SLC24A5: variants seen among roughly 807,000 people sequenced by gnomAD.
SLC24A5 encodes the protein sodium/potassium/calcium exchanger 5.
SLC24A5 carries 46 observed loss-of-function variants against 51.6 expected under a neutral mutation model. That is an observed-to-expected ratio of 0.89 (90% confidence interval 0.70 to 1.14). SLC24A5 has a LOEUF of 1.14. Ranked by LOEUF, SLC24A5 falls within the 50% of genes most tolerant of loss-of-function variation. SLC24A5 has a pLI of 0.00. For synonymous variants in SLC24A5, 230 were observed against 214.9 expected (o/e 1.07, Z -0.62); for missense variants, 581 against 604.1 (o/e 0.96, Z 0.40).
intron 4 of SLC24A5, 56 bp downstream of exon 4, chr15:48,134,594 C>CAGT: frequency 2.8e-6 from 4 of 1,405,980 alleles, no homozygotes; most frequent in Non-Finnish European, 4.0e-6. Flanking sequence ...CTAAAGATAA[C>CAGT]TGTTCGTCGT....
chr15:48,129,073 A>T (rs776319529), intron 2 of SLC24A5, among the ~76,000 whole-genome samples: 2 of 152,146 alleles, frequency 1.3e-5, no homozygotes, highest in Non-Finnish European at 2.9e-5. Context: ...GGCTAAGAGC[A>T]GGTAGAAATC....
In SLC24A5 at chr15:48,139,120, T is replaced by C. The variant is rs747046622; in HGVS notation, c.1023T>C (p.Ser341=). ...KNYFVITFFM[S]AIWISAFTYI... ...ACTTTGTGATAACCTTTTTCATGTC[T>C]GCAATATGGATATCCGCATTTACAT... Residue 341 remains serine, a synonymous_variant, in exon 7 of 9, where the codon TCT becomes TCC. Transcript: ENST00000341459. The C allele has an allele frequency of 6.2e-7, 1 of 1,613,162 alleles. No homozygotes were observed. Among genetic ancestry groups the C allele is most frequent in the South Asian group, 1.1e-5 (1 of 91,042 alleles).
chr15:48,141,138 A>G lies in SLC24A5; in HGVS notation c.1104A>G (p.Thr368=). 1 of 1,613,666 alleles carries G rather than the reference A, an allele frequency of 6.2e-7. No homozygotes were observed. Among genetic ancestry groups the G allele is most frequent in the Non-Finnish European group, 8.5e-7 (1 of 1,179,672 alleles). Residue 368 remains threonine, a synonymous_variant, in exon 8 of 9, where the codon ACA becomes ACG. Transcript: ENST00000341459. ...ITGETLEIPD[T]VMGLTLLAAG... is the part of the protein sequence containing the mutation. ...GGGAAACACTAGAAATTCCCGATAC[A>G]GTAATGGGCCTTACTTTATTAGCAG...
intron 2 of SLC24A5, chr15:48,123,133 C>T (rs2038696726): frequency 6.6e-6 from 1 of 151,850 alleles, no homozygotes; most frequent in African/African-American, 2.4e-5. Flanking sequence ...AGCAGAGGCA[C>T]TCAACACCTA....
At position 48,139,057 on chromosome 15, in the gene SLC24A5, A is replaced by C; in HGVS notation, c.960A>C (p.Leu320=). Residue 320 remains leucine, a synonymous_variant, in exon 7 of 9, where the codon CTA becomes CTC. Coordinates refer to ENST00000341459, the MANE Select transcript of SLC24A5 (RefSeq NM_205850.3). ...LSLPIITLLF[L]TTPDCRKKFW... Reference sequence around the variant, plus strand: ...TTCCTATTATTACATTACTTTTTCTAACCACACCAGATTGTAGAAAAAAGT... The same window carrying C: ...TTCCTATTATTACATTACTTTTTCTCACCACACCAGATTGTAGAAAAAAGT... The C allele has an allele frequency of 6.2e-7, 1 of 1,613,002 alleles. No homozygotes were observed. Among genetic ancestry groups the C allele is most frequent in the South Asian group, 1.1e-5 (1 of 91,038 alleles).
chr15:48,139,487 C>A (rs2038989409), intron 7 of SLC24A5: 3 of 180,046 alleles, frequency 1.7e-5, no homozygotes, highest in African/African-American at 2.4e-5. Context: ...ATGGGGTCCA[C>A]AATAAACTCT....
intron 7 of SLC24A5, 26 bp downstream of exon 7, chr15:48,139,201 A>T: frequency 6.4e-7 from 1 of 1,557,362 alleles, no homozygotes; most frequent in Non-Finnish European, 8.8e-7. Flanking sequence ...ACAATAGCAC[A>T]ACTTGAAAAT....
At chr15:48,134,047 C>T (rs1358993884) in intron 2 of SLC24A5, among the ~76,000 whole-genome samples, 1 of 152,088 alleles carries the variant, frequency 6.6e-6, no homozygotes, top group Non-Finnish European at 1.5e-5. Context: ...TCCCTTTAGT[C>T]TCCTGGCCTT....
In SLC24A5 at chr15:48,142,108, T is replaced by G; in HGVS notation, c.1260T>G (p.Ile420Met). ...DMLCLGIPWF[I>M]KTAFINGSAP... Reference sequence around the variant, plus strand: ...TGTGCCTTGGTATTCCATGGTTTATTAAAACTGCATTTATAAATGGATCAG... The same window carrying G: ...TGTGCCTTGGTATTCCATGGTTTATGAAAACTGCATTTATAAATGGATCAG... Residue 420 changes from isoleucine (I) to methionine (M), a missense_variant, in exon 9 of 9, where the codon ATT (isoleucine) becomes ATG (methionine). Coordinates refer to ENST00000341459, the MANE Select transcript of SLC24A5 (RefSeq NM_205850.3). 1 of 1,613,906 alleles carries G rather than the reference T, an allele frequency of 6.2e-7. No homozygotes were observed. Among genetic ancestry groups the G allele is most frequent in the Non-Finnish European group, 8.5e-7 (1 of 1,179,880 alleles).
intron 2 of SLC24A5, among the ~76,000 whole-genome samples, chr15:48,124,910 T>C (rs961304781): frequency 6.6e-6 from 1 of 152,226 alleles, no homozygotes; most frequent in Non-Finnish European, 1.5e-5. Context: ...CAAAATGAGA[T>C]AGAAATAGTG....
chr15:48,142,420 A>T lies in SLC24A5; in HGVS notation c.*69A>T. On this transcript the variant is annotated 3_prime_UTR_variant, in exon 9 of 9. Coordinates refer to ENST00000341459, the MANE Select transcript of SLC24A5 (RefSeq NM_205850.3). ...GGCAGAGAGAAAAATCCATTTCTTC[A>T]TTTAAATCAAATTTTAAAAATCTTG... 1 of 1,162,858 alleles carries T rather than the reference A, an allele frequency of 8.6e-7. No individual in the cohort carries two copies. The highest frequency in any genetic ancestry group is 1.2e-6 in the Non-Finnish European group (1 of 852,676). 72.0% of individuals were successfully genotyped at this position (1,162,858 alleles called of 1,614,324 possible).
intron 2 of SLC24A5, chr15:48,122,969 C>A (rs1030664455): frequency 6.6e-6 from 1 of 152,164 alleles, no homozygotes; most frequent in African/African-American, 2.4e-5. Flanking sequence ...CACATTGCTG[C>A]CATTTCTTTA....
At position 48,121,082 on chromosome 15, in the gene SLC24A5, C is replaced by G. The variant is rs771723766; in HGVS notation, c.38C>G (p.Ala13Gly). 2 of 1,614,000 alleles carry G rather than the reference C, an allele frequency of 1.2e-6. No individual in the cohort carries two copies. The highest frequency in any genetic ancestry group is 2.2e-5 in the South Asian group (2 of 91,062). Residue 13 changes from alanine (A) to glycine (G), a missense_variant, in exon 1 of 9, where the codon GCT becomes GGT. Ala to Gly is a moderately conservative substitution (Grantham distance 60). Coordinates refer to ENST00000341459, the MANE Select transcript of SLC24A5 (RefSeq NM_205850.3). ...GGGGGCCAAACATGGGCGAGAAGGG[C>G]TCTGTTGCTCGGCATCCTGTGGGCC... ...TKGGQTWARR[A>G]LLLGILWATA...
chr15:48,132,872 T>C (rs1450358566), intron 2 of SLC24A5, among the ~76,000 whole-genome samples: 1 of 152,106 alleles, frequency 6.6e-6, no homozygotes, highest in Non-Finnish European at 1.5e-5. Context: ...CCTGTGATGA[T>C]AGTAAGGAAG....
intron 2 of SLC24A5, among the ~76,000 whole-genome samples, chr15:48,126,840 G>A (rs959961453): frequency 1.3e-5 from 2 of 152,186 alleles, no homozygotes; most frequent in African/African-American, 4.8e-5. Flanking sequence ...CTTAGTTTGT[G>A]AATTTAGTTA....
At chr15:48,137,136 C>A in intron 6 of SLC24A5, 173 bp downstream of exon 6, 1 of 617,558 alleles carries the variant, frequency 1.6e-6, no homozygotes, top group Non-Finnish European at 2.7e-6. Context: ...ACAGGAAATA[C>A]AAAATAGCTA....
At chr15:48,124,634 T>G (rs1418026740) in intron 2 of SLC24A5, 1 of 152,178 alleles carries the variant, frequency 6.6e-6, no homozygotes, top group African/African-American at 2.4e-5. Flanking sequence ...TTTCTAGCCC[T>G]GTAGAAGACA....
intron 1 of SLC24A5, among the ~76,000 whole-genome samples, chr15:48,121,496 CT>C: frequency 6.6e-6 from 1 of 152,192 alleles, no homozygotes. Flanking sequence ...AATTTAGGCT[CT>C]GCAATGAGAA....
chr15:48,134,568 A>G (rs747378100), intron 4 of SLC24A5, 30 bp downstream of exon 4: 2 of 1,548,420 alleles, frequency 1.3e-6, no homozygotes, highest in Non-Finnish European at 1.8e-6. Context: ...AACAAAATGT[A>G]TTGTCTTAAA....
Sources: allele counts gnomAD v4.1 joint callset (sites outside exome capture counted in the v4.1 genomes callset), GRCh38; gene constraint gnomAD v4.1.1; transcripts MANE v1.5; gene names NCBI Gene and HGNC (gene_info 2026-07-23, HGNC 2026-07-21).